Variants in FOXN3 observed in about 807,000 individuals in gnomAD.
The protein encoded by FOXN3 is forkhead box N3.
In FOXN3, 7 loss-of-function variants were observed where a neutral mutation model predicts 38.4. The ratio of observed to expected loss-of-function variants is 0.18; its 90% confidence interval spans 0.10 to 0.34. The LOEUF is 0.34. Among genes scored for constraint, FOXN3 ranks in the 10% least tolerant of loss-of-function variants. The probability of loss-of-function intolerance (pLI) is 1.00; values close to 1 mark genes in which losing one functional copy is unlikely to be tolerated. For synonymous variants in FOXN3, 230 were observed against 242.2 expected, an observed-to-expected ratio of 0.95 and a Z score of 0.47; for missense variants, 456 against 613.4, an observed-to-expected ratio of 0.74 and a Z score of 2.71.
chr14:89,290,244 C>A, intron 3 of FOXN3: 1 of 325,640 alleles, frequency 3.1e-6, no homozygotes, highest in East Asian at 8.8e-5. Context: ...TTGAACTGCT[C>A]AGGGACAGGA....
chr14:89,325,314 G>GACCACCACCACC (rs774094314), intron 3 of FOXN3, among the ~76,000 whole-genome samples: 1 of 101,760 alleles, frequency 9.8e-6, no homozygotes, highest in Non-Finnish European at 2.0e-5. Flanking sequence ...CCACCACCAC[G>GACCACCACCACC]ACCACCACCA....
At chr14:89,305,501 T>C (rs968828393) in intron 3 of FOXN3, among the ~76,000 whole-genome samples, 1 of 152,368 alleles carries the variant, frequency 6.6e-6, no homozygotes, top group East Asian at 1.9e-4. Flanking sequence ...ACGTAAGTTA[T>C]ATGTTTGAAC....
At chr14:89,526,829 A>T (rs981047810) in intron 1 of FOXN3, among the ~76,000 whole-genome samples, 2 of 152,234 alleles carry the variant, frequency 1.3e-5, no homozygotes, top group Non-Finnish European at 2.9e-5. Context: ...GACTTACAGT[A>T]CATGACTTTA....
chr14:89,190,183 C>T (rs1887906728), intron 4 of FOXN3, among the ~76,000 whole-genome samples: 1 of 152,256 alleles, frequency 6.6e-6, no homozygotes, highest in Non-Finnish European at 1.5e-5. Context: ...ATCTTGGAAA[C>T]ACACCTATGC....
rs557242489 is a variant in FOXN3 at position 89,413,127 on chromosome 14, C to T, written c.-14-637G>A. On this transcript the variant is annotated intron_variant, in intron 1 of 5. Coordinates refer to ENST00000557258, the MANE Select transcript of FOXN3 (RefSeq NM_005197.4). ...AATAACATCTGATGAGAAAAGAAAA[C>T]GAGGAGGTGGTACGTTTACAAACAG... Among the ~76,000 whole-genome samples the T allele has an allele frequency of 7.2e-5, 11 of 152,088 alleles. No individual in the cohort carries two copies. The South Asian group carries it at 8.3e-4, about 11-fold the overall frequency.
At chr14:89,453,342 G>A (rs1892655101) in intron 1 of FOXN3, among the ~76,000 whole-genome samples, 1 of 151,974 alleles carries the variant, frequency 6.6e-6, no homozygotes, top group Non-Finnish European at 1.5e-5. Context: ...AGGTCATGAG[G>A]TCAGGAGATT....
intron 1 of FOXN3, among the ~76,000 whole-genome samples, chr14:89,583,982 G>A (rs981906736): frequency 2.0e-5 from 3 of 150,944 alleles, no homozygotes; most frequent in Non-Finnish European, 2.9e-5. Flanking sequence ...TCAACCTCCC[G>A]AGTAGCTGGG....
chr14:89,315,538 T>C (rs1472906386), intron 3 of FOXN3, among the ~76,000 whole-genome samples: 2 of 152,098 alleles, frequency 1.3e-5, no homozygotes, highest in Admixed American at 6.6e-5. Flanking sequence ...CTCTCCTCCA[T>C]GGCTTTGCTG....
At chr14:89,247,130 TCATC>T (rs751159032) in intron 4 of FOXN3, among the ~76,000 whole-genome samples, 56 of 152,218 alleles carry the variant, frequency 3.7e-4, no homozygotes, top group Non-Finnish European at 6.9e-4. Flanking sequence ...GTCCGTCCAT[TCATC>T]CATCCATCCC....
intron 1 of FOXN3, among the ~76,000 whole-genome samples, chr14:89,502,198 T>C (rs1009483836): frequency 6.6e-6 from 1 of 152,148 alleles, no homozygotes; most frequent in Non-Finnish European, 1.5e-5. Context: ...ACTAAATGTA[T>C]GTGTTTAATG....
intron 1 of FOXN3, among the ~76,000 whole-genome samples, chr14:89,510,866 C>T (rs1232887414): frequency 2.0e-5 from 3 of 152,130 alleles, no homozygotes; most frequent in African/African-American, 7.2e-5. Context: ...TCACTTGAAC[C>T]CGGGAGGCGG....
intron 1 of FOXN3, among the ~76,000 whole-genome samples, chr14:89,614,080 T>C (rs1438508993): frequency 2.0e-5 from 3 of 152,248 alleles, no homozygotes; most frequent in Non-Finnish European, 2.9e-5. Flanking sequence ...ATAATGTGAA[T>C]ATATTTGATG....
intron 3 of FOXN3, among the ~76,000 whole-genome samples, chr14:89,316,156 G>A (rs1022189359): frequency 5.9e-5 from 9 of 152,134 alleles, no homozygotes; most frequent in African/African-American, 2.2e-4. Flanking sequence ...GTGTATTGGG[G>A]CTTGCTTTCT....
At chr14:89,360,608 GGGAAGGAGGGAAGGAA>G (rs1889444884) in intron 2 of FOXN3, among the ~76,000 whole-genome samples, 1 of 151,120 alleles carries the variant, frequency 6.6e-6, no homozygotes, top group Non-Finnish European at 1.5e-5. Flanking sequence ...GAGGGAAGGA[GGGAAGGAGGGAAGGAA>G]GGAAGGCTGG....
At chr14:89,416,321 A>G (rs1348253841) in intron 1 of FOXN3, among the ~76,000 whole-genome samples, 1 of 152,242 alleles carries the variant, frequency 6.6e-6, no homozygotes. Context: ...GTCAGATGTC[A>G]TAAACCTTTT....
intron 2 of FOXN3, among the ~76,000 whole-genome samples, chr14:89,397,578 C>T (rs1381259328): frequency 6.6e-6 from 1 of 152,018 alleles, no homozygotes; most frequent in Non-Finnish European, 1.5e-5. Flanking sequence ...CCCCCTACCA[C>T]CTTAGGGGGA....
chr14:89,440,086 C>G (rs1005805448), intron 1 of FOXN3, among the ~76,000 whole-genome samples: 2 of 152,050 alleles, frequency 1.3e-5, no homozygotes, highest in African/African-American at 4.8e-5. Context: ...TGCTATTATC[C>G]CCATATTACC....
intron 3 of FOXN3, among the ~76,000 whole-genome samples, chr14:89,343,995 C>G (rs571341337): frequency 7.2e-5 from 11 of 152,282 alleles, no homozygotes; most frequent in African/African-American, 2.6e-4. Flanking sequence ...CTCCTGACCT[C>G]AAGTGATCCA....
chr14:89,421,145 CTTTTTTTTTTTT>C (rs570024684), upstream of FOXN3, among the ~76,000 whole-genome samples: 1 of 108,182 alleles, frequency 9.2e-6, no homozygotes, highest in African/African-American at 3.6e-5. Context: ...TTCTTTCTTT[CTTTTTTTTTTTT>C]TTTTTTTTGA....
Sources: allele counts gnomAD v4.1 joint callset (sites outside exome capture counted in the v4.1 genomes callset), GRCh38; gene constraint gnomAD v4.1.1; transcripts MANE v1.5; gene names NCBI Gene and HGNC (gene_info 2026-07-23, HGNC 2026-07-21).